EXT1: variants seen among roughly 807,000 people sequenced by gnomAD.
EXT1 encodes exostosin glycosyltransferase 1, also known as exostosin-1.
A neutral mutation model predicts 82.5 loss-of-function variants in EXT1; 20 were observed. That is an observed-to-expected ratio of 0.24 (90% confidence interval 0.17 to 0.35). The LOEUF is 0.35. Ranked by LOEUF, EXT1 falls within the 10% of genes least tolerant of loss-of-function variation. The pLI is 1.00. For synonymous variants in EXT1, 348 were observed against 350.8 expected (o/e 0.99, Z 0.09); for missense variants, 757 against 936.5 (o/e 0.81, Z 2.50).
chr8:117,939,676 A>T (rs530823306), intron 1 of EXT1, among the ~76,000 whole-genome samples: 244 of 152,282 alleles, frequency 1.6e-3, no homozygotes, highest in Middle Eastern at 6.8e-3. Context: ...CTGGAATTTG[A>T]CTTCAAGGCC....
chr8:117,944,276 T>C (rs1814342796), intron 1 of EXT1, among the ~76,000 whole-genome samples: 1 of 152,114 alleles, frequency 6.6e-6, no homozygotes, highest in Non-Finnish European at 1.5e-5. Flanking sequence ...GGCGGGCACA[T>C]GTAATTCCAG....
chr8:117,951,871 CA>C (rs1451343445), intron 1 of EXT1, among the ~76,000 whole-genome samples: 14 of 152,176 alleles, frequency 9.2e-5, no homozygotes, highest in African/African-American at 3.4e-4. Flanking sequence ...ATTCAAATTT[CA>C]GGTTCTTAAA....
chr8:117,799,600 TTTGGATAG>T lies in EXT1; in HGVS notation c.*104_*111del. 7.7e-7 allele frequency: 1 copy of T among 1,291,926 alleles called. No homozygotes were observed. The highest frequency in any genetic ancestry group is 1.1e-6 in the Non-Finnish European group (1 of 899,898). The allele number at this position is 1,291,926 out of a possible 1,614,324, so 80.0% of individuals were successfully genotyped here. ...TTTTGTCATTCTGCTCATCTAAGTT[TTTGGATAG>T]TTGGCACAATCTGGCTCTGCTGATG... On this transcript the variant is annotated 3_prime_UTR_variant, in exon 11 of 11. Transcript: ENST00000378204.
chr8:117,998,314 T>C (rs1260468327), intron 1 of EXT1, among the ~76,000 whole-genome samples: 1 of 152,022 alleles, frequency 6.6e-6, no homozygotes, highest in African/African-American at 2.4e-5. Flanking sequence ...ACCCAGCCTA[T>C]TTTACATTTT....
At chr8:117,803,184 T>C (rs1823191481) in intron 10 of EXT1, among the ~76,000 whole-genome samples, 1 of 152,080 alleles carries the variant, frequency 6.6e-6, no homozygotes, top group Non-Finnish European at 1.5e-5. Flanking sequence ...TTAAGGTTTT[T>C]TGTTTCTTTT....
intron 1 of EXT1, among the ~76,000 whole-genome samples, chr8:117,841,020 A>T (rs1812266806): frequency 6.6e-6 from 1 of 152,248 alleles, no homozygotes; most frequent in South Asian, 2.1e-4. Context: ...GTTCCTTTTC[A>T]AACTAAAAAT....
intron 1 of EXT1, among the ~76,000 whole-genome samples, chr8:117,907,341 C>T (rs1813562098): frequency 6.6e-6 from 1 of 152,224 alleles, no homozygotes; most frequent in African/African-American, 2.4e-5. Context: ...GAAACATTTG[C>T]TCTAGGTACC....
At chr8:117,921,119 G>T (rs1401845294) in intron 1 of EXT1, among the ~76,000 whole-genome samples, 1 of 152,104 alleles carries the variant, frequency 6.6e-6, no homozygotes, top group Admixed American at 6.5e-5. Flanking sequence ...TAACATCCTG[G>T]TGAGGCTGCA....
chr8:117,921,778 GGGTATAGGA>G (rs1456426565), intron 1 of EXT1, among the ~76,000 whole-genome samples: 2 of 152,086 alleles, frequency 1.3e-5, no homozygotes, highest in African/African-American at 4.8e-5. Flanking sequence ...CATTCCTATA[GGGTATAGGA>G]GAAGATGAAG....
chr8:118,021,176 G>T (rs1257072713), intron 1 of EXT1, among the ~76,000 whole-genome samples: 2 of 152,152 alleles, frequency 1.3e-5, no homozygotes, highest in Admixed American at 1.3e-4. Flanking sequence ...GCTTTAATTG[G>T]TAAGGACTGC....
At chr8:118,059,124 C>T (rs186083854) in intron 1 of EXT1, among the ~76,000 whole-genome samples, 1 of 152,206 alleles carries the variant, frequency 6.6e-6, no homozygotes, top group African/African-American at 2.4e-5. Flanking sequence ...CTGGCCAAGG[C>T]AGAGGTTCCA....
At chr8:118,022,401 G>A (rs1187816725) in intron 1 of EXT1, among the ~76,000 whole-genome samples, 4 of 120,968 alleles carry the variant, frequency 3.3e-5, no homozygotes, top group Admixed American at 2.3e-4. Context: ...GCAGTGGCAC[G>A]ATCTCGGCTC....
chr8:118,060,138 A>C (rs1158933885), intron 1 of EXT1, among the ~76,000 whole-genome samples: 1 of 152,186 alleles, frequency 6.6e-6, no homozygotes, highest in Non-Finnish European at 1.5e-5. Flanking sequence ...CTCAGGTAAA[A>C]ATGAGTAAGT....
At chr8:118,090,854 T>A (rs1817511394) in intron 1 of EXT1, among the ~76,000 whole-genome samples, 1 of 137,664 alleles carries the variant, frequency 7.3e-6, no homozygotes, top group Non-Finnish European at 1.5e-5. Flanking sequence ...TCCTTGTGAA[T>A]CCTGTATACA....
intron 1 of EXT1, among the ~76,000 whole-genome samples, chr8:118,074,160 G>A (rs1358613709): frequency 2.0e-5 from 3 of 152,040 alleles, no homozygotes; most frequent in Admixed American, 1.3e-4. Context: ...GACGGGGAGG[G>A]GGAGGGAAGA....
chr8:117,836,038 G>C (rs1399658604), intron 2 of EXT1, among the ~76,000 whole-genome samples: 2 of 152,204 alleles, frequency 1.3e-5, no homozygotes, highest in Non-Finnish European at 2.9e-5. Flanking sequence ...GACTTAACCA[G>C]TATAGAGTGT....
chr8:117,993,666 C>A (rs17451182), intron 1 of EXT1, among the ~76,000 whole-genome samples: 1 of 152,200 alleles, frequency 6.6e-6, no homozygotes, highest in South Asian at 2.1e-4. Context: ...GATACCACAG[C>A]CTCATCTGGA....
intron 1 of EXT1, among the ~76,000 whole-genome samples, chr8:118,043,062 G>A (rs1043706852): frequency 6.6e-5 from 10 of 152,148 alleles, no homozygotes; most frequent in African/African-American, 2.4e-4. Flanking sequence ...TCCTAGGGAG[G>A]AAATGTTCCT....
chr8:118,018,024 T>C (rs1482294487), intron 1 of EXT1, among the ~76,000 whole-genome samples: 1 of 152,248 alleles, frequency 6.6e-6, no homozygotes, highest in Non-Finnish European at 1.5e-5. Context: ...CAAGCAATTT[T>C]TTCTTACAAT....
Sources: allele counts gnomAD v4.1 joint callset (sites outside exome capture counted in the v4.1 genomes callset), GRCh38; gene constraint gnomAD v4.1.1; transcripts MANE v1.5; gene names NCBI Gene and HGNC (gene_info 2026-07-23, HGNC 2026-07-21).